The following TEX264 variants were observed in gnomAD, a reference collection of about 807,000 sequenced individuals.
TEX264 encodes testis expressed 264, ER-phagy receptor, also known as testis-expressed protein 264.
Under a neutral mutation model 23.4 loss-of-function variants are expected in TEX264, and 13 were observed. The observed-to-expected ratio is 0.56, with a 90% CI of 0.36 to 0.88. The LOEUF (loss-of-function observed/expected upper bound fraction) is 0.88. TEX264 is among the 40% of genes least tolerant of loss of function. The probability of loss-of-function intolerance (pLI) is 0.01; values close to 1 mark genes in which losing one functional copy is unlikely to be tolerated. For synonymous variants in TEX264, 159 were observed against 170.0 expected (o/e 0.94, Z 0.50); for missense variants, 340 against 406.8 (o/e 0.84, Z 1.41).
chr3:51,677,678 C>T (rs1702276514), intron 2 of TEX264, among the ~76,000 whole-genome samples: 1 of 152,202 alleles, frequency 6.6e-6, no homozygotes, highest in Admixed American at 6.5e-5. Flanking sequence ...GCTGGTCCCA[C>T]CTAGGCTGGG....
At chr3:51,696,375 C>G (rs1559682196) in intron 3 of TEX264, among the ~76,000 whole-genome samples, 1 of 152,170 alleles carries the variant, frequency 6.6e-6, no homozygotes, top group African/African-American at 2.4e-5. Flanking sequence ...CTGGGGCTAA[C>G]TGAGGGAGAG....
chr3:51,690,651 C>T (rs1295075947), intron 3 of TEX264, among the ~76,000 whole-genome samples: 1 of 151,988 alleles, frequency 6.6e-6, no homozygotes. Context: ...CTTTGCCAAG[C>T]TAACATGGGA....
rs763246169 is a variant in TEX264, at chr3:51,684,545, G to T, written c.391G>T (p.Val131Leu). ...GTTCTCCTTCCCGGCACCCAGCCAT[G>T]TGGTGACAGCCACCTTCCCCTACAC... ...KVFSFPAPSH[V>L]VTATFPYTTI... is the part of the protein sequence containing the mutation. The change falls in exon 3 of 5, where the codon GTG becomes TTG. Residue 131 changes from valine (V) to leucine (L), a missense_variant. Val to Leu is a conservative substitution (Grantham distance 32, BLOSUM62 1). Transcript: ENST00000341333. The T allele has an allele frequency of 1.2e-6, 2 of 1,614,214 alleles. No homozygotes were observed. The highest frequency in any genetic ancestry group is 1.7e-6 in the Non-Finnish European group (2 of 1,180,042).
At chr3:51,684,781 G>A (rs939508161) in intron 3 of TEX264, 147 bp downstream of exon 3, 4 of 719,682 alleles carry the variant, frequency 5.6e-6, no homozygotes, top group African/African-American at 3.5e-5. Flanking sequence ...GTGGAGCTAG[G>A]AAGATGGGCA....
In TEX264 at chr3:51,691,660, G is replaced by T. The variant is rs1368097380; in HGVS notation, c.480+7026G>T. On this transcript the variant is annotated intron_variant, in intron 3 of 4. Transcript: ENST00000341333. The surrounding 1 kb of genome is among the most constrained non-coding windows in gnomAD (Gnocchi z 4.4). ...AGTACAGGAGAGGAGCAAGAGTTTG[G>T]GCCTAAGAGATATAGGCTGGGTCCT... 6.6e-6 allele frequency among the ~76,000 whole-genome samples: 1 copy of T among 152,084 alleles called. No individual in the cohort carries two copies. Among genetic ancestry groups the T allele is most frequent in the Non-Finnish European group, 1.5e-5 (1 of 68,010 alleles).
At chr3:51,688,359 G>A (rs955620732) in intron 3 of TEX264, among the ~76,000 whole-genome samples, 3 of 152,238 alleles carry the variant, frequency 2.0e-5, no homozygotes. Flanking sequence ...AACAGACCAG[G>A]ACTGAGGGAT....
intron 3 of TEX264, among the ~76,000 whole-genome samples, chr3:51,696,167 C>T (rs958725508): frequency 5.9e-5 from 9 of 152,122 alleles, no homozygotes; most frequent in African/African-American, 1.9e-4. Context: ...TGTTAGATGG[C>T]CAGTGGTGTC....
chr3:51,678,163 C>T (rs1267843791), intron 2 of TEX264, among the ~76,000 whole-genome samples: 2 of 152,198 alleles, frequency 1.3e-5, no homozygotes, highest in South Asian at 4.1e-4. Flanking sequence ...CTGCCTTTAG[C>T]CCTGCTTCTG....
At chr3:51,689,486 G>C (rs568980940) in intron 3 of TEX264, among the ~76,000 whole-genome samples, 24 of 150,532 alleles carry the variant, frequency 1.6e-4, no homozygotes, top group Admixed American at 1.5e-3. Context: ...AGGAAGTAAA[G>C]TAAGAAAGTA....
At chr3:51,679,972 G>A (rs1702365036) in intron 2 of TEX264, among the ~76,000 whole-genome samples, 1 of 152,138 alleles carries the variant, frequency 6.6e-6, no homozygotes, top group South Asian at 2.1e-4. Context: ...TAGCACCTAG[G>A]AGGGCAAACG....
chr3:51,692,260 C>G (rs1201875081), intron 3 of TEX264, among the ~76,000 whole-genome samples: 1 of 152,166 alleles, frequency 6.6e-6, no homozygotes, highest in Non-Finnish European at 1.5e-5. Flanking sequence ...TTCTGTTGCT[C>G]TTCTCCAGGA....
intron 2 of TEX264, among the ~76,000 whole-genome samples, chr3:51,680,484 A>G (rs1302954105): frequency 6.6e-6 from 1 of 152,332 alleles, no homozygotes; most frequent in Non-Finnish European, 1.5e-5. Context: ...CTCTCCTCCC[A>G]GTAATGGGAC....
intron 2 of TEX264, chr3:51,682,222 C>G (rs1702451772): frequency 1.3e-5 from 2 of 152,228 alleles, no homozygotes; most frequent in African/African-American, 4.8e-5. Flanking sequence ...CAGATAACTT[C>G]CTGCCTATCT....
chr3:51,699,310 A>G, intron 3 of TEX264, 96 bp from the exon 4 acceptor site: 1 of 1,333,162 alleles, frequency 7.5e-7, no homozygotes, highest in South Asian at 1.3e-5. Context: ...AGCCCCTGGG[A>G]CAGAATAGGT....
intron 3 of TEX264, among the ~76,000 whole-genome samples, chr3:51,696,738 C>T (rs1703073472): frequency 6.6e-6 from 1 of 152,236 alleles, no homozygotes; most frequent in Non-Finnish European, 1.5e-5. Context: ...AAGTTTGCTC[C>T]TTTGCCTTCT....
chr3:51,678,123 T>G (rs1475604047), intron 2 of TEX264, among the ~76,000 whole-genome samples: 2 of 152,156 alleles, frequency 1.3e-5, no homozygotes, highest in Admixed American at 6.5e-5. Context: ...CTTGCATGAC[T>G]GGGGAAGGGT....
At chr3:51,697,271 G>A (rs1434623051) in intron 3 of TEX264, among the ~76,000 whole-genome samples, 1 of 152,208 alleles carries the variant, frequency 6.6e-6, no homozygotes, top group Non-Finnish European at 1.5e-5. Flanking sequence ...GCCTGGTGCT[G>A]CCCAGCCTAG....
chr3:51,688,791 T>G (rs1274093296), intron 3 of TEX264, among the ~76,000 whole-genome samples: 1 of 152,098 alleles, frequency 6.6e-6, no homozygotes, highest in African/African-American at 2.4e-5. Flanking sequence ...GTGGCCGAAT[T>G]CTGGGACAGC....
Position 51,703,732 on chromosome 3 carries a change from A to G in TEX264, c.658A>G (p.Thr220Ala), listed in dbSNP as rs1021804956. 1.2e-5 allele frequency: 19 copies of G among 1,587,160 alleles called. No individual in the cohort carries two copies. The highest frequency in any genetic ancestry group is 1.5e-5 in the Non-Finnish European group (17 of 1,160,476). Reference sequence around the variant, plus strand: ...CCTTTTCCTGGTCATAGGAGCTGACACAATGAGTGACACGAGTTCTGTAAG... The same window carrying G: ...CCTTTTCCTGGTCATAGGAGCTGACGCAATGAGTGACACGAGTTCTGTAAG... ...DTQVDGTGAD[T>A]MSDTSSVSLE... Residue 220 changes from threonine (T) to alanine (A), a missense_variant, in exon 5 of 5, where the codon ACA (threonine) becomes GCA (alanine). Physicochemically the swap from Thr to Ala is moderately conservative, Grantham distance 58. Coordinates refer to ENST00000341333, the MANE Select transcript of TEX264 (RefSeq NM_015926.6). The surrounding 1 kb of genome is among the most constrained non-coding windows in gnomAD (Gnocchi z 4.8).
Sources: allele counts gnomAD v4.1 joint callset (sites outside exome capture counted in the v4.1 genomes callset), GRCh38; gene constraint gnomAD v4.1.1; non-coding constraint Gnocchi (gnomAD v3.1); transcripts MANE v1.5; gene names NCBI Gene and HGNC (gene_info 2026-07-23, HGNC 2026-07-21).